Variants in NKAIN3 observed in about 807,000 individuals in gnomAD.
The protein encoded by NKAIN3 is sodium/potassium transporting ATPase interacting 3, also known as sodium/potassium-transporting ATPase subunit beta-1-interacting protein 3.
Under a neutral mutation model 30.2 loss-of-function variants are expected in NKAIN3, and 25 were observed. The observed-to-expected ratio is 0.83, with a 90% CI of 0.60 to 1.16. The LOEUF is 1.16. NKAIN3 is among the 50% of genes most tolerant of loss of function. NKAIN3 has a pLI of 0.00. For synonymous variants in NKAIN3, 91 were observed against 89.6 expected (o/e 1.02, Z -0.09); for missense variants, 225 against 254.1 (o/e 0.89, Z 0.78).
rs149808436 is a variant in NKAIN3, at chr8:62,603,294, C to T, written c.273+13500C>T. 1.5e-3 allele frequency among the ~76,000 whole-genome samples: 221 copies of T among 152,198 alleles called. 2 individuals carry two copies. Among genetic ancestry groups the T allele is most frequent in the African/African-American group, 3.9e-3 (160 of 41,546 alleles). ...ATTATAAAAGAGACCCTGATAAACACGTTTTGTGACATTTATTTAGTTTTT... is the reference window on the plus strand; with the variant it reads ...ATTATAAAAGAGACCCTGATAAACATGTTTTGTGACATTTATTTAGTTTTT... On this transcript the variant is annotated intron_variant, in intron 3 of 6. Transcript: ENST00000623646.
intron 1 of NKAIN3, among the ~76,000 whole-genome samples, chr8:62,530,471 G>A (rs1388820614): frequency 1.3e-5 from 2 of 152,028 alleles, no homozygotes; most frequent in African/African-American, 4.8e-5. Flanking sequence ...GTTGGTTCTT[G>A]GATATGTGGG....
At chr8:62,840,345 C>G (rs1432351056) in intron 4 of NKAIN3, among the ~76,000 whole-genome samples, 1 of 147,342 alleles carries the variant, frequency 6.8e-6, no homozygotes, top group Non-Finnish European at 1.5e-5. Flanking sequence ...ATCCATCAAG[C>G]TTTCTAAAAA....
intron 3 of NKAIN3, among the ~76,000 whole-genome samples, chr8:62,691,765 G>A (rs1211703904): frequency 6.6e-6 from 1 of 152,214 alleles, no homozygotes; most frequent in African/African-American, 2.4e-5. Flanking sequence ...TTTCATGGAA[G>A]TGAGGAGGTA....
intron 4 of NKAIN3, among the ~76,000 whole-genome samples, chr8:62,829,906 T>C (rs572280549): frequency 2.6e-5 from 4 of 151,846 alleles, no homozygotes; most frequent in South Asian, 2.1e-4. Flanking sequence ...CATCCCAAAA[T>C]GAAAGAGAGA....
chr8:62,472,842 A>G (rs1692618315), intron 1 of NKAIN3, among the ~76,000 whole-genome samples: 1 of 152,198 alleles, frequency 6.6e-6, no homozygotes, highest in South Asian at 2.1e-4. Context: ...ACTAAGCACC[A>G]AGAATGCTCA....
intron 3 of NKAIN3, among the ~76,000 whole-genome samples, chr8:62,720,930 T>C (rs954171144): frequency 6.6e-6 from 1 of 152,222 alleles, no homozygotes; most frequent in East Asian, 1.9e-4. Flanking sequence ...TTACTTGAAC[T>C]ACATGTGGTC....
At chr8:62,422,781 A>G (rs1256273787) in intron 1 of NKAIN3, among the ~76,000 whole-genome samples, 3 of 152,104 alleles carry the variant, frequency 2.0e-5, no homozygotes, top group Non-Finnish European at 2.9e-5. Flanking sequence ...TATCTCTACC[A>G]TAGCTAAAAA....
At chr8:62,715,567 A>G (rs531100187) in intron 3 of NKAIN3, among the ~76,000 whole-genome samples, 3 of 152,276 alleles carry the variant, frequency 2.0e-5, no homozygotes, top group African/African-American at 7.2e-5. Flanking sequence ...CAACATAATG[A>G]TATTATCTAT....
At chr8:62,507,373 T>C (rs1448612295) in intron 1 of NKAIN3, among the ~76,000 whole-genome samples, 1 of 152,180 alleles carries the variant, frequency 6.6e-6, no homozygotes, top group African/African-American at 2.4e-5. Flanking sequence ...AGGCACTCAT[T>C]AAATGTTTAT....
At chr8:62,272,252 T>C (rs1040713764) in intron 1 of NKAIN3, among the ~76,000 whole-genome samples, 1 of 152,210 alleles carries the variant, frequency 6.6e-6, no homozygotes, top group Non-Finnish European at 1.5e-5. Context: ...TGTACTTTTC[T>C]ACTCGCCTAG....
intron 1 of NKAIN3, among the ~76,000 whole-genome samples, chr8:62,575,607 A>G (rs1810084820): frequency 6.6e-6 from 1 of 152,162 alleles, no homozygotes; most frequent in South Asian, 2.1e-4. Flanking sequence ...AGAAATAGAA[A>G]AAACAATCTT....
intron 4 of NKAIN3, among the ~76,000 whole-genome samples, chr8:62,893,216 C>T (rs892999818): frequency 6.6e-6 from 1 of 152,078 alleles, no homozygotes; most frequent in Non-Finnish European, 1.5e-5. Flanking sequence ...GTCAAGGCTC[C>T]TCCATGTCCG....
At chr8:62,479,358 A>G (rs1479616717) in intron 1 of NKAIN3, among the ~76,000 whole-genome samples, 1 of 152,154 alleles carries the variant, frequency 6.6e-6, no homozygotes, top group Admixed American at 6.5e-5. Context: ...CTATTATCCA[A>G]ATTCGGCAGG....
At chr8:62,390,759 T>C (rs1817564464) in intron 1 of NKAIN3, among the ~76,000 whole-genome samples, 1 of 152,220 alleles carries the variant, frequency 6.6e-6, no homozygotes, top group African/African-American at 2.4e-5. Context: ...GGTATCTCAT[T>C]GTGGTTTGGA....
intron 3 of NKAIN3, among the ~76,000 whole-genome samples, chr8:62,649,651 A>G (rs1812567329): frequency 6.6e-6 from 1 of 152,126 alleles, no homozygotes. Context: ...GGGCATTCTC[A>G]CTGCCTCTTC....
chr8:62,927,180 C>T (rs1457262073), intron 5 of NKAIN3, among the ~76,000 whole-genome samples: 1 of 151,910 alleles, frequency 6.6e-6, no homozygotes. Flanking sequence ...CCCTTCCTCA[C>T]CCCCCTCCCA....
intron 4 of NKAIN3, among the ~76,000 whole-genome samples, chr8:62,893,646 G>A (rs1183217778): frequency 6.6e-6 from 1 of 151,506 alleles, no homozygotes; most frequent in Non-Finnish European, 1.5e-5. Flanking sequence ...CTCCTTGAAT[G>A]TGTGTGTGTG....
At chr8:62,576,814 A>G (rs1198841197) in intron 1 of NKAIN3, among the ~76,000 whole-genome samples, 1 of 152,138 alleles carries the variant, frequency 6.6e-6, no homozygotes, top group Non-Finnish European at 1.5e-5. Context: ...AGATATTTCT[A>G]AAGAACATTC....
intron 1 of NKAIN3, among the ~76,000 whole-genome samples, chr8:62,445,313 CT>C (rs71255337): frequency 0.036 from 5,104 of 143,122 alleles, 300 homozygotes; most frequent in African/African-American, 0.12. Context: ...ATCTACGTGT[CT>C]TTTTTTTTTT....
Sources: gnomAD v4.1 joint callset for allele counts (sites outside exome capture counted in the v4.1 genomes callset) on GRCh38, gnomAD v4.1.1 for gene constraint, MANE v1.5 for transcripts, NCBI Gene and HGNC (gene_info 2026-07-23, HGNC 2026-07-21) for gene names.